The following ENTREP2 variants were observed in gnomAD, a reference collection of about 807,000 sequenced individuals.
ENTREP2 encodes the protein protein ENTREP2.
chr15:29,158,840 T>C, the ENTREP2 span, among the ~76,000 whole-genome samples: 1 of 152,066 alleles, frequency 6.6e-6, no homozygotes, highest in Admixed American at 6.5e-5. Flanking sequence ...ATCTAATAAA[T>C]GATGTATAGA....
chr15:29,598,323 G>A, the ENTREP2 span, among the ~76,000 whole-genome samples: 1 of 152,120 alleles, frequency 6.6e-6, no homozygotes, highest in Non-Finnish European at 1.5e-5. Flanking sequence ...GTGGTGATTT[G>A]CAATTCTCTA....
the ENTREP2 span, among the ~76,000 whole-genome samples, chr15:29,587,492 G>A: frequency 6.6e-6 from 1 of 152,072 alleles, no homozygotes; most frequent in Non-Finnish European, 1.5e-5. Context: ...TACCAAATAT[G>A]TTTAAATTCA....
the ENTREP2 span, among the ~76,000 whole-genome samples, chr15:29,212,917 G>A: frequency 1.3e-5 from 2 of 152,180 alleles, no homozygotes; most frequent in Non-Finnish European, 2.9e-5. Context: ...GGTTTTTATG[G>A]TTTTAGGTCT....
chr15:29,458,388 GAAT>G, the ENTREP2 span, among the ~76,000 whole-genome samples: 4 of 152,074 alleles, frequency 2.6e-5, no homozygotes, highest in African/African-American at 9.7e-5. Flanking sequence ...ACACTATCAG[GAAT>G]AATGTTTTAC....
the ENTREP2 span, among the ~76,000 whole-genome samples, chr15:29,479,036 A>T: frequency 1.8e-5 from 2 of 110,564 alleles, no homozygotes; most frequent in African/African-American, 3.6e-5. Flanking sequence ...CTACTAAAAA[A>T]TACAAAAAAA....
chr15:29,653,841 C>T, the ENTREP2 span, among the ~76,000 whole-genome samples: 57 of 151,672 alleles, frequency 3.8e-4, no homozygotes, highest in South Asian at 3.8e-3. Flanking sequence ...AGAGAGCTTA[C>T]GCTTACCAGG....
chr15:29,491,672 C>T, the ENTREP2 span, among the ~76,000 whole-genome samples: 1 of 152,148 alleles, frequency 6.6e-6, no homozygotes, highest in Non-Finnish European at 1.5e-5. Context: ...CCTTCAACTT[C>T]TCTCACACAG....
chr15:29,645,123 C>G, the ENTREP2 span, among the ~76,000 whole-genome samples: 1 of 152,126 alleles, frequency 6.6e-6, no homozygotes, highest in Non-Finnish European at 1.5e-5. Flanking sequence ...CACACTATAG[C>G]AGGACATTAT....
the ENTREP2 span, among the ~76,000 whole-genome samples, chr15:29,222,398 G>T: frequency 6.6e-6 from 1 of 152,164 alleles, no homozygotes; most frequent in Admixed American, 6.5e-5. Context: ...GGGCTGCTCT[G>T]CCTATGGAGA....
At chr15:29,625,847 A>T in the ENTREP2 span, among the ~76,000 whole-genome samples, 2 of 151,360 alleles carry the variant, frequency 1.3e-5, no homozygotes, top group African/African-American at 4.9e-5. Context: ...TTAAAAAACA[A>T]TTTTTTTCTT....
the ENTREP2 span, among the ~76,000 whole-genome samples, chr15:29,139,144 C>T: frequency 6.6e-6 from 1 of 151,932 alleles, no homozygotes; most frequent in Non-Finnish European, 1.5e-5. Context: ...GGTGAGGTGA[C>T]GATTCTGAAT....
chr15:29,125,312 G>T, the ENTREP2 span, among the ~76,000 whole-genome samples: 1 of 152,304 alleles, frequency 6.6e-6, no homozygotes, highest in South Asian at 2.1e-4. Flanking sequence ...GGGTGTTTCA[G>T]AAGGTTTGAC....
At chr15:29,451,722 G>A in the ENTREP2 span, among the ~76,000 whole-genome samples, 1 of 152,062 alleles carries the variant, frequency 6.6e-6, no homozygotes, top group Non-Finnish European at 1.5e-5. Context: ...GGGCTCCCTC[G>A]AGGGGCCACC....
At chr15:29,620,472 A>T in the ENTREP2 span, among the ~76,000 whole-genome samples, 1 of 151,962 alleles carries the variant, frequency 6.6e-6, no homozygotes, top group Non-Finnish European at 1.5e-5. Context: ...CCACCTTGCA[A>T]ATCTCAAGAA....
chr15:29,241,805 G>A, the ENTREP2 span, among the ~76,000 whole-genome samples: 60 of 152,278 alleles, frequency 3.9e-4, no homozygotes, highest in African/African-American at 1.4e-3. Flanking sequence ...GGCTAAGGCC[G>A]GAGGATCAGT....
At chr15:29,432,331 G>C in the ENTREP2 span, among the ~76,000 whole-genome samples, 3 of 152,044 alleles carry the variant, frequency 2.0e-5, no homozygotes, top group Admixed American at 6.5e-5. Flanking sequence ...TGCCCCGCAC[G>C]CCTGCCATGT....
the ENTREP2 span, among the ~76,000 whole-genome samples, chr15:29,306,606 T>G: frequency 6.6e-6 from 1 of 151,672 alleles, no homozygotes; most frequent in Non-Finnish European, 1.5e-5. Flanking sequence ...TGTTTCATAT[T>G]TTTTCTCAAG....
chr15:29,272,709 A>G, the ENTREP2 span, among the ~76,000 whole-genome samples: 2 of 152,220 alleles, frequency 1.3e-5, no homozygotes, highest in Non-Finnish European at 2.9e-5. Context: ...AGGAGGAGTC[A>G]TGAACATTTA....
the ENTREP2 span, among the ~76,000 whole-genome samples, chr15:29,382,418 G>A: frequency 6.6e-6 from 1 of 151,970 alleles, no homozygotes; most frequent in Non-Finnish European, 1.5e-5. Flanking sequence ...CTCCCCTGAT[G>A]CACACCCTTC....
Sources: allele counts gnomAD v4.1 joint callset (sites outside exome capture counted in the v4.1 genomes callset), GRCh38; gene constraint gnomAD v4.1.1; transcripts MANE v1.5; gene names NCBI Gene and HGNC (gene_info 2026-07-23, HGNC 2026-07-21).